The following VPS54 variants were observed in gnomAD, a reference collection of about 807,000 sequenced individuals.
VPS54 encodes the protein VPS54 subunit of GARP complex.
A neutral mutation model predicts 121.5 loss-of-function variants in VPS54; 45 were observed. The ratio of observed to expected loss-of-function variants is 0.37; its 90% CI spans 0.29 to 0.47. VPS54 has a LOEUF of 0.47. Among genes scored for constraint, VPS54 ranks in the 20% least tolerant of loss-of-function variants. The pLI is 0.99. For synonymous variants in VPS54, 371 were observed against 385.8 expected (o/e 0.96, Z 0.45); for missense variants, 1,090 against 1,131.4 (o/e 0.96, Z 0.52).
chr2:63,974,979 T>G (rs1676457573), intron 3 of VPS54: 2 of 1,549,468 alleles, frequency 1.3e-6, no homozygotes, highest in Non-Finnish European at 1.7e-6. Flanking sequence ...ACAGGGGACA[T>G]CCTTACCTTG....
At chr2:63,964,561 A>T (rs1675905009) in intron 6 of VPS54, among the ~76,000 whole-genome samples, 1 of 152,200 alleles carries the variant, frequency 6.6e-6, no homozygotes, top group Admixed American at 6.5e-5. Flanking sequence ...TGTGTCTCTA[A>T]ACCCATGGTT....
In VPS54 at chr2:63,944,097, A is replaced by C. The variant is rs565846797; in HGVS notation, c.1301+503T>G. On this transcript the variant is annotated intron_variant, in intron 10 of 22. Coordinates refer to ENST00000272322, the MANE Select transcript of VPS54 (RefSeq NM_016516.3). ...AAACATGGGCAATTCAAAATCATTAACTCAAACTTCTCAAAGCCAATTAAA... is the reference window on the plus strand; with the variant it reads ...AAACATGGGCAATTCAAAATCATTACCTCAAACTTCTCAAAGCCAATTAAA... Among the ~76,000 whole-genome samples the C allele has an allele frequency of 3.6e-4, 54 of 152,066 alleles. 2 individuals carry two copies. In the South Asian group the frequency reaches 0.011, roughly 32 times the overall value.
intron 7 of VPS54, among the ~76,000 whole-genome samples, chr2:63,951,874 T>C (rs891281118): frequency 3.3e-5 from 5 of 152,190 alleles, no homozygotes; most frequent in African/African-American, 1.2e-4. Context: ...GGTGTACCTT[T>C]AGCCTCCAAA....
chr2:63,996,322 A>T (rs1261281839), intron 1 of VPS54, among the ~76,000 whole-genome samples: 1 of 152,190 alleles, frequency 6.6e-6, no homozygotes, highest in African/African-American at 2.4e-5. Flanking sequence ...TCACTTCCCC[A>T]ATCAATACTC....
intron 20 of VPS54, among the ~76,000 whole-genome samples, chr2:63,899,868 T>C (rs779974457): frequency 6.6e-6 from 1 of 152,040 alleles, no homozygotes; most frequent in Non-Finnish European, 1.5e-5. Flanking sequence ...CTCCTCCCAT[T>C]CTAAGCTAGG....
chr2:64,009,087 T>C (rs936038253), intron 1 of VPS54, among the ~76,000 whole-genome samples: 1 of 152,176 alleles, frequency 6.6e-6, no homozygotes, highest in Non-Finnish European at 1.5e-5. Context: ...TCTGCACCAA[T>C]AAAAAAATTT....
chr2:63,983,313 G>A (rs1402853479), intron 2 of VPS54, among the ~76,000 whole-genome samples: 1 of 151,298 alleles, frequency 6.6e-6, no homozygotes, highest in Admixed American at 6.6e-5. Context: ...TTATATTTTT[G>A]GTAGAGATGG....
At chr2:64,016,610 ATTTTTT>A (rs34383340) in intron 1 of VPS54, among the ~76,000 whole-genome samples, 1 of 137,132 alleles carries the variant, frequency 7.3e-6, no homozygotes, top group African/African-American at 2.7e-5. Context: ...TGAATTGTAT[ATTTTTT>A]TTTTTTTTTT....
chr2:63,996,348 C>T (rs1034827796), intron 1 of VPS54, among the ~76,000 whole-genome samples: 1 of 152,136 alleles, frequency 6.6e-6, no homozygotes, highest in African/African-American at 2.4e-5. Context: ...ATTTCCTATG[C>T]CTGTCTTTAC....
chr2:63,957,989 T>TATA (rs1675579180), intron 7 of VPS54, among the ~76,000 whole-genome samples: 1 of 151,966 alleles, frequency 6.6e-6, no homozygotes, highest in African/African-American at 2.4e-5. Context: ...ATTATAGTCA[T>TATA]ATAGATTATA....
At position 63,924,948 on chromosome 2, in the gene VPS54, TAAC is replaced by T. The variant is rs573133864; in HGVS notation, c.1740-3616_1740-3614del. ...GTAGGTCTTAATGTGAAAAAGACAG[TAAC>T]AAAGTTTCTAGACAGTAACCAGAAA... On this transcript the variant is annotated intron_variant, in intron 12 of 22. Transcript: ENST00000272322. Among the ~76,000 whole-genome samples the T allele has an allele frequency of 2.3e-4, 35 of 152,298 alleles. No individual in the cohort carries two copies. The South Asian group carries it at 7.0e-3, about 31-fold the overall frequency.
chr2:63,897,362 A>C (rs968810280), intron 22 of VPS54, 134 bp downstream of exon 22: 4 of 615,394 alleles, frequency 6.5e-6, no homozygotes, highest in Non-Finnish European at 1.1e-5. Context: ...GAAAAAAAAA[A>C]CACAAAAGCT....
At chr2:63,919,598 A>G (rs2104449000) in intron 15 of VPS54, among the ~76,000 whole-genome samples, 1 of 152,240 alleles carries the variant, frequency 6.6e-6, no homozygotes, top group Admixed American at 6.5e-5. Context: ...CCTCACTGTT[A>G]CACAAAGAAA....
intron 1 of VPS54, among the ~76,000 whole-genome samples, chr2:64,007,068 G>A (rs997494395): frequency 6.6e-6 from 1 of 152,172 alleles, no homozygotes; most frequent in Non-Finnish European, 1.5e-5. Context: ...AGAGAGAGGT[G>A]GTGGGTAGGA....
Position 63,949,089 on chromosome 2 carries a change from G to A in VPS54, c.1085C>T (p.Ser362Phe). 1 of 1,611,532 alleles carries A rather than the reference G, an allele frequency of 6.2e-7. No homozygotes were observed. The highest frequency in any genetic ancestry group is 1.1e-5 in the South Asian group (1 of 90,756). Residue 362 changes from serine to phenylalanine, a missense_variant, in exon 8 of 23, where the codon TCT becomes TTT. Ser to Phe is a radical substitution (Grantham distance 155, BLOSUM62 -2). Coordinates refer to ENST00000272322, the MANE Select transcript of VPS54 (RefSeq NM_016516.3). ...CAGTGGTCTATTTAAGTCACTGTGA[G>A]AATAAGTAGAAAATTCTGCAATCAT... ...KMMIAEFSTYSHSDLNRPLED... is the reference protein window; with the variant it reads ...KMMIAEFSTYFHSDLNRPLED...
At chr2:63,925,957 C>T (rs1673881274) in intron 12 of VPS54, among the ~76,000 whole-genome samples, 1 of 152,136 alleles carries the variant, frequency 6.6e-6, no homozygotes, top group Admixed American at 6.6e-5. Flanking sequence ...GCTACATTTT[C>T]CCATATGTGC....
At chr2:64,000,959 C>T (rs1305490759) in intron 1 of VPS54, among the ~76,000 whole-genome samples, 2 of 152,228 alleles carry the variant, frequency 1.3e-5, no homozygotes, top group Non-Finnish European at 2.9e-5. Flanking sequence ...TCCTTCTCTT[C>T]AAGACAGCAA....
At chr2:63,967,569 A>G (rs990923140) in intron 5 of VPS54, among the ~76,000 whole-genome samples, 3 of 151,816 alleles carry the variant, frequency 2.0e-5, no homozygotes, top group African/African-American at 4.8e-5. Flanking sequence ...AAATACTAAA[A>G]TTAGCCAGGC....
rs1269713352 is a variant in VPS54 at position 63,912,541 on chromosome 2, T to C, written c.2543A>G (p.Lys848Arg). ...SMLRHFDHIT[K>R]DYHDHIAEIS... Reference sequence around the variant, plus strand: ...AATAGAAAATATATGAAAAAGTACCTTAGTGATATGATCAAAATGCCTAAG... The same window carrying C: ...AATAGAAAATATATGAAAAAGTACCCTAGTGATATGATCAAAATGCCTAAG... The change falls in exon 19 of 23, where the codon AAG (lysine) becomes AGG (arginine). Residue 848 changes from lysine (K) to arginine (R), a missense_variant and splice_region_variant. Physicochemically the swap from Lys to Arg is conservative, Grantham distance 26. This residue lies in a region of VPS54 where 289 missense variants were observed against 374.4 expected (regional missense o/e 0.77). Coordinates refer to ENST00000272322, the MANE Select transcript of VPS54 (RefSeq NM_016516.3). 6.2e-7 allele frequency: 1 copy of C among 1,611,924 alleles called. No individual in the cohort carries two copies. Among genetic ancestry groups the C allele is most frequent in the African/African-American group, 1.3e-5 (1 of 74,756 alleles).
Sources: allele counts gnomAD v4.1 joint callset (sites outside exome capture counted in the v4.1 genomes callset), GRCh38; gene constraint gnomAD v4.1.1; regional missense constraint gnomAD v4.1.1; transcripts MANE v1.5; gene names NCBI Gene and HGNC (gene_info 2026-07-23, HGNC 2026-07-21).